NEDD4: variants seen among roughly 807,000 people sequenced by gnomAD.
NEDD4 encodes the protein NEDD4 E3 ubiquitin protein ligase.
Under a neutral mutation model 144.9 loss-of-function variants are expected in NEDD4, and 99 were observed. The ratio of observed to expected loss-of-function variants is 0.68; its 90% CI spans 0.58 to 0.81. The LOEUF is 0.81. Ranked by LOEUF, NEDD4 falls within the 30% of genes least tolerant of loss-of-function variation. NEDD4 has a pLI of 0.00. For missense variants in NEDD4, 985 were observed against 1,065.9 expected, an observed-to-expected ratio of 0.92 and a Z score of 1.06; for synonymous variants, 318 against 350.6, an observed-to-expected ratio of 0.91 and a Z score of 1.04.
chr15:55,985,287 G>T (rs1264029008), intron 1 of NEDD4, among the ~76,000 whole-genome samples: 1 of 152,216 alleles, frequency 6.6e-6, no homozygotes, highest in African/African-American at 2.4e-5. Flanking sequence ...TACAGAAAAT[G>T]TCTGTGGAGT....
chr15:55,880,694 G>C (rs2035157345), intron 5 of NEDD4, among the ~76,000 whole-genome samples: 1 of 152,086 alleles, frequency 6.6e-6, no homozygotes, highest in Non-Finnish European at 1.5e-5. Context: ...ACAGGGAAAG[G>C]AAGTCTCAGA....
chr15:55,925,452 G>C (rs1472889141), intron 4 of NEDD4, among the ~76,000 whole-genome samples: 1 of 152,104 alleles, frequency 6.6e-6, no homozygotes, highest in Non-Finnish European at 1.5e-5. Flanking sequence ...ATTACATGTT[G>C]CTTTTACTAT....
chr15:55,877,594 C>T (rs897595434), intron 5 of NEDD4, among the ~76,000 whole-genome samples: 1 of 152,184 alleles, frequency 6.6e-6, no homozygotes, highest in African/African-American at 2.4e-5. Flanking sequence ...CATTTCTCAT[C>T]AAACTTTTTC....
intron 1 of NEDD4, among the ~76,000 whole-genome samples, chr15:55,983,303 T>TGCGC (rs111359928): frequency 0.21 from 32,455 of 151,438 alleles, 3,522 homozygotes; most frequent in Middle Eastern, 0.34. Context: ...TGTGTGTGCG[T>TGCGC]GCGCGCGCGT....
intron 1 of NEDD4, among the ~76,000 whole-genome samples, chr15:55,972,698 T>C (rs1168036617): frequency 6.6e-6 from 1 of 152,108 alleles, no homozygotes; most frequent in African/African-American, 2.4e-5. Context: ...CATAGAGTGG[T>C]TGATGGATTA....
In NEDD4 at chr15:55,916,168, T is replaced by G. The variant is rs1302890858; in HGVS notation, c.291+8478A>C. 1.9e-6 allele frequency: 3 copies of G among 1,613,598 alleles called. No individual in the cohort carries two copies. In the Admixed American group the frequency reaches 5.0e-5, roughly 27 times the overall value. On this transcript the variant is annotated intron_variant, in intron 5 of 28. Transcript: ENST00000435532. ...CTTCTTGAAAAAATTTCACAAGGAGTAGTATTCCTGTTTGGCACACTTCTA... is the reference window on the plus strand; with the variant it reads ...CTTCTTGAAAAAATTTCACAAGGAGGAGTATTCCTGTTTGGCACACTTCTA...
At chr15:55,935,075 C>A (rs537008945) in intron 4 of NEDD4, among the ~76,000 whole-genome samples, 1 of 151,938 alleles carries the variant, frequency 6.6e-6, no homozygotes, top group South Asian at 2.1e-4. Context: ...ACCATGTTGG[C>A]CAGACTGGTT....
chr15:55,886,921 G>C (rs1295415897), intron 5 of NEDD4, among the ~76,000 whole-genome samples: 5 of 151,892 alleles, frequency 3.3e-5, no homozygotes, highest in African/African-American at 1.2e-4. Flanking sequence ...AAGAAATTAA[G>C]AAGGATATTG....
At chr15:55,867,304 C>T (rs1566920914) in intron 8 of NEDD4, among the ~76,000 whole-genome samples, 2 of 152,108 alleles carry the variant, frequency 1.3e-5, no homozygotes, top group Admixed American at 1.3e-4. Flanking sequence ...TAGGGCCTTT[C>T]ATAAATAAAC....
At chr15:55,968,429 A>G (rs1303532033) in intron 1 of NEDD4, among the ~76,000 whole-genome samples, 1 of 152,132 alleles carries the variant, frequency 6.6e-6, no homozygotes, top group Non-Finnish European at 1.5e-5. Context: ...AAAAAATATC[A>G]TGTGCAAAAT....
intron 5 of NEDD4, among the ~76,000 whole-genome samples, chr15:55,920,220 A>G (rs753575101): frequency 3.3e-4 from 50 of 151,158 alleles, no homozygotes; most frequent in Admixed American, 1.3e-4. Flanking sequence ...ACATAATTTC[A>G]TATATAAAAT....
At chr15:55,991,793 C>T (rs2037992362) in intron 1 of NEDD4, 1 of 152,178 alleles carries the variant, frequency 6.6e-6, no homozygotes, top group Non-Finnish European at 1.5e-5. Flanking sequence ...TACCGACCAC[C>T]CATTAACTGC....
chr15:55,862,200 T>C (rs768952367), intron 9 of NEDD4, among the ~76,000 whole-genome samples: 3 of 152,046 alleles, frequency 2.0e-5, no homozygotes, highest in Non-Finnish European at 4.4e-5. Flanking sequence ...AGGCACAAAA[T>C]ATCATAGCCA....
intron 4 of NEDD4, among the ~76,000 whole-genome samples, chr15:55,950,036 C>A (rs1454581984): frequency 1.3e-5 from 2 of 151,478 alleles, no homozygotes; most frequent in African/African-American, 4.9e-5. Context: ...AAATAAATAA[C>A]TCAACAACTT....
chr15:55,929,114 C>A (rs2036731956), intron 4 of NEDD4, among the ~76,000 whole-genome samples: 2 of 152,070 alleles, frequency 1.3e-5, no homozygotes, highest in South Asian at 4.1e-4. Context: ...TGATGGAGGG[C>A]AGAGGAAGCT....
At chr15:55,898,755 C>A (rs1324208590) in intron 5 of NEDD4, among the ~76,000 whole-genome samples, 6 of 150,814 alleles carry the variant, frequency 4.0e-5, no homozygotes, top group African/African-American at 1.5e-4. Context: ...CTGCTTCAGT[C>A]CCTGAGTAGC....
intron 11 of NEDD4, among the ~76,000 whole-genome samples, chr15:55,859,108 T>C (rs12900655): frequency 1.3e-5 from 2 of 152,156 alleles, no homozygotes; most frequent in Non-Finnish European, 2.9e-5. Context: ...TCAGCTCTCA[T>C]TAAATATTTA....
At position 55,924,650 on chromosome 15, in the gene NEDD4, C is replaced by G. The variant is rs533545058; in HGVS notation, c.287G>C (p.Arg96Pro). The G allele has an allele frequency of 6.2e-7, 1 of 1,608,418 alleles. No homozygotes were observed. The highest frequency in any genetic ancestry group is 8.5e-7 in the Non-Finnish European group (1 of 1,177,108). The stretch of plus-strand genomic sequence containing the variant: ...TATAAGCACAATATAACTTACCAAT[C>G]GGTTTTCGTCAAACACTTCAAAAAG... The part of the protein sequence containing the change: ...RLLFEVFDEN[R>P]LTRDDFLGQV... The change falls in exon 5 of 29, where the codon CGA becomes CCA. Residue 96 changes from arginine to proline, a missense_variant. Physicochemically the swap from Arg to Pro is moderately radical, Grantham distance 103 (BLOSUM62 -2). Transcript: ENST00000435532.
intron 5 of NEDD4, among the ~76,000 whole-genome samples, chr15:55,908,149 T>C (rs961950038): frequency 6.6e-6 from 1 of 152,212 alleles, no homozygotes. Context: ...TCTGCAGTCA[T>C]CTCTACCTCA....
Sources: allele counts gnomAD v4.1 joint callset (sites outside exome capture counted in the v4.1 genomes callset), GRCh38; gene constraint gnomAD v4.1.1; transcripts MANE v1.5; gene names NCBI Gene and HGNC (gene_info 2026-07-23, HGNC 2026-07-21).